NCOR2: variants seen among roughly 807,000 people sequenced by gnomAD.
The protein encoded by NCOR2 is CTG repeat protein 26.
Under a neutral mutation model 262.9 loss-of-function variants are expected in NCOR2, and 81 were observed. The ratio of observed to expected loss-of-function variants is 0.31; its 90% CI spans 0.26 to 0.37. The LOEUF (loss-of-function observed/expected upper bound fraction) is 0.37. Among genes scored for constraint, NCOR2 ranks in the 10% least tolerant of loss-of-function variants. The pLI is 1.00. For synonymous variants in NCOR2, 1,659 were observed against 1,559.3 expected (o/e 1.06, Z -1.51); for missense variants, 3,385 against 3,621.4 (o/e 0.93, Z 1.68).
rs1026551065 is a variant in NCOR2, at chr12:124,531,766, C to T, written c.-118+3799G>A. On this transcript the variant is annotated intron_variant, in intron 1 of 46. Coordinates refer to the NCOR2 transcript ENST00000404621. This position sits in a 1 kb window ranked among gnomAD's most constrained non-coding sequence, Gnocchi z 4.5. ...ATCCCACCGGGCCAGGGCCCTAAAA[C>T]CTCCCCCTACACACCTTCGGTGTCC... 1.3e-5 allele frequency among the ~76,000 whole-genome samples: 2 copies of T among 151,752 alleles called. No individual in the cohort carries two copies. The highest frequency in any genetic ancestry group is 4.8e-5 in the African/African-American group (2 of 41,284).
intron 38 of NCOR2, 38 bp downstream of exon 40, chr12:124,336,715 C>G: frequency 1.2e-6 from 2 of 1,604,832 alleles, no homozygotes; most frequent in Non-Finnish European, 1.7e-6. Flanking sequence ...GCATGATAAT[C>G]GCGTCTATGA....
intron 1 of NCOR2, chr12:124,556,528 C>CGG (rs1323747078): frequency 2.6e-5 from 4 of 152,238 alleles, no homozygotes; most frequent in African/African-American, 7.2e-5. Context: ...CACTGGGAAA[C>CGG]AACCGAGGGA....
At chr12:124,376,155 T>G (rs1323098212) in intron 18 of NCOR2, among the ~76,000 whole-genome samples, 1 of 152,200 alleles carries the variant, frequency 6.6e-6, no homozygotes, top group Non-Finnish European at 1.5e-5. Flanking sequence ...GCCTCTCACC[T>G]GCCGTCCCTG....
At chr12:124,412,584 C>T (rs2042639025) in intron 13 of NCOR2, among the ~76,000 whole-genome samples, 1 of 152,218 alleles carries the variant, frequency 6.6e-6, no homozygotes, top group South Asian at 2.1e-4. Context: ...GGCCGTTGCC[C>T]ACCCCAAACA....
At chr12:124,429,539 G>C in intron 10 of NCOR2, 74 bp downstream of exon 12, 1 of 1,484,186 alleles carries the variant, frequency 6.7e-7, no homozygotes, top group Non-Finnish European at 9.2e-7. Flanking sequence ...GGTGGTTTCT[G>C]GCTAGGGCCT....
At chr12:124,463,088 G>A (rs887819283) in intron 5 of NCOR2, among the ~76,000 whole-genome samples, 1 of 152,196 alleles carries the variant, frequency 6.6e-6, no homozygotes, top group African/African-American at 2.4e-5. Context: ...CTGTTCCCCA[G>A]TGTCCTGAAT....
At chr12:124,502,574 C>T (rs879763526) in intron 1 of NCOR2, among the ~76,000 whole-genome samples, 6 of 152,052 alleles carry the variant, frequency 3.9e-5, no homozygotes, top group South Asian at 2.1e-4. Context: ...GAGGCAGGAC[C>T]GAGCCTGGTG....
chr12:124,436,957 G>A (rs2044365948), intron 8 of NCOR2, among the ~76,000 whole-genome samples: 1 of 152,072 alleles, frequency 6.6e-6, no homozygotes, highest in South Asian at 2.1e-4. Context: ...TTGGTGGCGG[G>A]CGCCTGTAAT....
At chr12:124,417,837 G>A (rs2042992500) in intron 13 of NCOR2, among the ~76,000 whole-genome samples, 1 of 152,120 alleles carries the variant, frequency 6.6e-6, no homozygotes, top group African/African-American at 2.4e-5. Flanking sequence ...AAGGCAGGTG[G>A]ATCATCTAGG....
chr12:124,443,691 C>G lies in NCOR2; in HGVS notation c.816-5695G>C. ...CTAATTTTCGTATTTTTAGTAGAGA[C>G]GGGGTTTCACTATATTGGCCAGGCT... is the stretch of plus-strand genomic sequence containing the variant. On this transcript the variant is annotated intron_variant, in intron 7 of 46. Coordinates refer to ENST00000405201, the Ensembl canonical transcript of NCOR2. The surrounding 1 kb of genome is among the most constrained non-coding windows in gnomAD (Gnocchi z 4.4). 6.6e-6 allele frequency among the ~76,000 whole-genome samples: 1 copy of G among 152,062 alleles called. No homozygotes were observed.
chr12:124,408,001 G>C (rs1193160423), intron 13 of NCOR2, among the ~76,000 whole-genome samples: 2 of 152,242 alleles, frequency 1.3e-5, no homozygotes, highest in African/African-American at 4.8e-5. Context: ...GTCCTTGCTG[G>C]GGAAAATGCA....
At chr12:124,439,192 C>CCCA (rs2044635539) in intron 7 of NCOR2, among the ~76,000 whole-genome samples, 1 of 86,772 alleles carries the variant, frequency 1.2e-5, no homozygotes, top group Non-Finnish European at 2.5e-5. Context: ...GAGAGAGAGA[C>CCCA]GGAGACCCAG....
At chr12:124,565,918 C>A (rs1232067790) in intron 1 of NCOR2, among the ~76,000 whole-genome samples, 2 of 152,156 alleles carry the variant, frequency 1.3e-5, no homozygotes, top group Non-Finnish European at 2.9e-5. Flanking sequence ...CTCCTCAGCA[C>A]CCCCAAAGAG....
chr12:124,331,025 A>C, intron 43 of NCOR2, 127 bp from the exon 46 acceptor site: 36 of 883,930 alleles, frequency 4.1e-5, no homozygotes, highest in Non-Finnish European at 5.8e-5. Flanking sequence ...GCAGGTTCTC[A>C]TGCAGCAGGC....
At chr12:124,447,800 G>A (rs1316775958) in intron 7 of NCOR2, among the ~76,000 whole-genome samples, 6 of 151,708 alleles carry the variant, frequency 4.0e-5, no homozygotes, top group Admixed American at 1.3e-4. Context: ...GGGCTCAAGC[G>A]ATTCTCCCTC....
chr12:124,525,191 A>G (rs1365712317), intron 1 of NCOR2, among the ~76,000 whole-genome samples: 8 of 152,128 alleles, frequency 5.3e-5, no homozygotes, highest in Non-Finnish European at 1.2e-4. Context: ...CAGAACCCCA[A>G]TCAGCATGCC....
At chr12:124,493,885 AG>A (rs576020296) in intron 1 of NCOR2, among the ~76,000 whole-genome samples, 31 of 152,302 alleles carry the variant, frequency 2.0e-4, no homozygotes, top group African/African-American at 7.0e-4. Context: ...ATCGCACCTG[AG>A]GCCTGTGATT....
In NCOR2 at chr12:124,519,089, T is replaced by TACACACACACACACATACACAC. The variant is rs2050019364; in HGVS notation, c.-118+16475_-118+16476insGTGTGTATGTGTGTGTGTGTGT. Among the ~76,000 whole-genome samples, 9 of 97,320 alleles carry TACACACACACACACATACACAC rather than the reference T, an allele frequency of 9.2e-5. No homozygotes were observed. In the South Asian group the frequency reaches 3.7e-3, roughly 40 times the overall value. 63.8% of individuals were successfully genotyped at this position (97,320 alleles called of 152,430 possible). A position where few individuals can be genotyped will look rare whatever the true frequency, so the allele number is the denominator to read the frequency against. ...TAGAAAAGAAGACGTGGCCAAATAATACACACACACACACACACACACACA... is the reference window on the plus strand; with the variant it reads ...TAGAAAAGAAGACGTGGCCAAATAATACACACACACACACATACACACACACACACACACACACACACACACA... On this transcript the variant is annotated intron_variant, in intron 1 of 46. Coordinates refer to the NCOR2 transcript ENST00000404621.
chr12:124,509,229 C>T (rs2049238359), intron 1 of NCOR2, among the ~76,000 whole-genome samples: 1 of 32,840 alleles, frequency 3.0e-5, no homozygotes, highest in Non-Finnish European at 5.6e-5. Flanking sequence ...GTGGCACTGG[C>T]TTTGGTGGGG....
Sources: allele counts gnomAD v4.1 joint callset (sites outside exome capture counted in the v4.1 genomes callset), GRCh38; gene constraint gnomAD v4.1.1; non-coding constraint Gnocchi (gnomAD v3.1); transcripts MANE v1.5; gene names NCBI Gene and HGNC (gene_info 2026-07-23, HGNC 2026-07-21).